ANK3: variants seen among roughly 807,000 people sequenced by gnomAD.
ANK3 encodes ankyrin-3.
In ANK3, 57 loss-of-function variants were observed where a neutral mutation model predicts 370.9. The observed-to-expected ratio is 0.15, with a 90% CI of 0.12 to 0.19. ANK3 has a LOEUF of 0.19. Ranked by LOEUF, ANK3 falls within the 10% of genes least tolerant of loss-of-function variation. The probability of loss-of-function intolerance (pLI) is 1.00; values close to 1 mark genes in which losing one functional copy is unlikely to be tolerated. For synonymous variants in ANK3, 1,929 were observed against 1,946.3 expected (o/e 0.99, Z 0.23); for missense variants, 4,439 against 5,302.1 (o/e 0.84, Z 5.06).
intron 1 of ANK3, among the ~76,000 whole-genome samples, chr10:60,629,194 C>T (rs1031775269): frequency 3.9e-5 from 6 of 152,066 alleles, no homozygotes; most frequent in East Asian, 1.9e-4. Flanking sequence ...AAAACAAAAA[C>T]GTATGCTTAT....
At chr10:60,475,276 C>A (rs1325653473) in intron 2 of ANK3, among the ~76,000 whole-genome samples, 2 of 147,948 alleles carry the variant, frequency 1.4e-5, no homozygotes, top group Non-Finnish European at 3.1e-5. Flanking sequence ...CAGAAAAATA[C>A]ACGTCAACTA....
At chr10:60,570,011 G>GGT (rs2077553513) in intron 2 of ANK3, among the ~76,000 whole-genome samples, 1 of 151,872 alleles carries the variant, frequency 6.6e-6, no homozygotes, top group South Asian at 2.1e-4. Context: ...AGAATAAAAA[G>GGT]GTATATATAT....
In ANK3 at chr10:60,572,652, C is replaced by T. The variant is rs901587415; in HGVS notation, c.96+42534G>A. ...ATTTACGGGTGCTCCCCAGGCAAAGCAGCCGCTGCTTAAACCCAGCCCCTG... is the reference window on the plus strand; with the variant it reads ...ATTTACGGGTGCTCCCCAGGCAAAGTAGCCGCTGCTTAAACCCAGCCCCTG... On this transcript the variant is annotated intron_variant, in intron 2 of 43. Transcript: ENST00000373827. 9 of 1,453,460 alleles carry T rather than the reference C, an allele frequency of 6.2e-6. No individual in the cohort carries two copies. The African/African-American group carries it at 7.1e-5, about 11-fold the overall frequency. 90.0% of individuals were successfully genotyped at this position (1,453,460 alleles called of 1,614,324 possible).
chr10:60,041,482 C>G (rs973638636), intron 43 of ANK3, among the ~76,000 whole-genome samples: 9 of 152,156 alleles, frequency 5.9e-5, no homozygotes, highest in Non-Finnish European at 1.2e-4. Flanking sequence ...TGAGCGTGGG[C>G]AATTTATTTA....
intron 23 of ANK3, among the ~76,000 whole-genome samples, chr10:60,164,839 G>A (rs562125997): frequency 2.0e-5 from 3 of 152,168 alleles, no homozygotes; most frequent in South Asian, 2.1e-4. Context: ...CATTAAATTC[G>A]GCAATACCAC....
intron 1 of ANK3, among the ~76,000 whole-genome samples, chr10:60,282,359 C>T (rs541174619): frequency 1.3e-5 from 2 of 152,304 alleles, no homozygotes; most frequent in East Asian, 1.9e-4. Context: ...TCTCAAGTTT[C>T]CTCAGAATTT....
intron 1 of ANK3, among the ~76,000 whole-genome samples, chr10:60,341,567 G>A (rs1435131259): frequency 6.6e-6 from 1 of 152,060 alleles, no homozygotes; most frequent in Non-Finnish European, 1.5e-5. Context: ...TGTATTCATG[G>A]TCTTGTTACA....
At position 60,086,730 on chromosome 10, in the gene ANK3, T is replaced by C. The variant is rs370758339; in HGVS notation, c.3695A>G (p.Asn1232Ser). ...GGGTGTAGTGTCCCCTTTGTATCCA[T>C]TGGATACACCTTCTCCTGAGGGCGG... is the stretch of plus-strand genomic sequence containing the variant. The part of the protein sequence containing the change: ...VPPPSGEGVS[N>S]GYKGDTTPNL... The change falls in exon 30 of 44, where the codon AAT becomes AGT. Residue 1232 changes from asparagine to serine, a missense_variant. By Grantham distance (46) the Asn-to-Ser change is conservative. Around this residue, in one of 13 missense-constraint regions of ANK3, gnomAD observed 702 missense variants for 941.5 expected, o/e 0.75. Coordinates refer to ENST00000280772, the MANE Select transcript of ANK3 (RefSeq NM_020987.5). The C allele has an allele frequency of 1.8e-5, 29 of 1,613,784 alleles. No homozygotes were observed. The highest frequency in any genetic ancestry group is 8.8e-5 in the South Asian group (8 of 91,062).
intron 1 of ANK3, among the ~76,000 whole-genome samples, chr10:60,356,859 C>T (rs779171978): frequency 2.6e-5 from 4 of 152,286 alleles, no homozygotes; most frequent in Non-Finnish European, 4.4e-5. Flanking sequence ...CATGTATGCA[C>T]CACCACGCCT....
chr10:60,073,543 T>C lies in ANK3; in HGVS notation c.7338A>G (p.Ile2446Met), dbSNP rs757298299. ...KTLKLLSQHSIEYHDDELSEL... is the reference protein window; with the variant it reads ...KTLKLLSQHSMEYHDDELSEL... ...CTGACAACTCATCGTCATGGTATTCTATTGAGTGTTGACTCAAAAGCTTCA... is the reference window on the plus strand; with the variant it reads ...CTGACAACTCATCGTCATGGTATTCCATTGAGTGTTGACTCAAAAGCTTCA... The change falls in exon 37 of 44, where the codon ATA (isoleucine) becomes ATG (methionine). Residue 2446 changes from isoleucine (I) to methionine (M), a missense_variant. Around this residue, in one of 13 missense-constraint regions of ANK3, gnomAD observed 1,601 missense variants for 1,731.7 expected, o/e 0.92. Transcript: ENST00000280772. 6.2e-7 allele frequency: 1 copy of C among 1,613,982 alleles called. No individual in the cohort carries two copies. Among genetic ancestry groups the C allele is most frequent in the African/African-American group, 1.3e-5 (1 of 74,906 alleles).
chr10:60,169,808 T>C (rs1168234997), intron 21 of ANK3, among the ~76,000 whole-genome samples: 1 of 152,230 alleles, frequency 6.6e-6, no homozygotes, highest in African/African-American at 2.4e-5. Context: ...TATTTATTTT[T>C]GCTCAAATTG....
intron 1 of ANK3, among the ~76,000 whole-genome samples, chr10:60,715,428 T>C (rs145219586): frequency 8.5e-4 from 130 of 152,056 alleles, no homozygotes; most frequent in African/African-American, 2.9e-3. Flanking sequence ...TAATATCTGG[T>C]GGTGGGATAA....
chr10:60,464,960 C>T (rs1446486457), intron 2 of ANK3, among the ~76,000 whole-genome samples: 1 of 152,106 alleles, frequency 6.6e-6, no homozygotes, highest in Non-Finnish European at 1.5e-5. Context: ...CTGTGATAAA[C>T]CAGATTCTCA....
intron 1 of ANK3, among the ~76,000 whole-genome samples, chr10:60,676,683 G>A (rs1257401711): frequency 6.6e-6 from 1 of 152,090 alleles, no homozygotes; most frequent in Admixed American, 6.6e-5. Context: ...AAAATATTAG[G>A]AACTAAAGAT....
intron 23 of ANK3, chr10:60,140,711 T>G (rs2094523218): frequency 8.2e-7 from 1 of 1,214,834 alleles, no homozygotes; most frequent in Non-Finnish European, 1.0e-6. Context: ...CTGGCAAGCC[T>G]CTAGCAGGAC....
chr10:60,232,979 T>C (rs1441968496), intron 8 of ANK3, among the ~76,000 whole-genome samples: 1 of 152,232 alleles, frequency 6.6e-6, no homozygotes, highest in Non-Finnish European at 1.5e-5. Context: ...AGCACAGGAT[T>C]GCAGGAGTTG....
At chr10:60,384,833 C>T (rs889972306) in intron 1 of ANK3, among the ~76,000 whole-genome samples, 1 of 152,078 alleles carries the variant, frequency 6.6e-6, no homozygotes, top group African/African-American at 2.4e-5. Context: ...GGCAGTTATC[C>T]TAGAATCCGA....
intron 1 of ANK3, among the ~76,000 whole-genome samples, chr10:60,732,536 C>A (rs2080038169): frequency 6.6e-6 from 1 of 152,098 alleles, no homozygotes; most frequent in Non-Finnish European, 1.5e-5. Context: ...ACAAGGCTCT[C>A]GGAGATCGGA....
intron 2 of ANK3, among the ~76,000 whole-genome samples, chr10:60,424,789 T>C (rs1477781075): frequency 6.6e-6 from 1 of 152,096 alleles, no homozygotes; most frequent in African/African-American, 2.4e-5. Flanking sequence ...TCTATTCAAC[T>C]GACCTTTTCT....
Sources: gnomAD v4.1 joint callset for allele counts (sites outside exome capture counted in the v4.1 genomes callset) on GRCh38, gnomAD v4.1.1 for gene constraint, gnomAD v4.1.1 regional missense constraint, MANE v1.5 for transcripts, NCBI Gene and HGNC (gene_info 2026-07-23, HGNC 2026-07-21) for gene names.